The following CCDC171 variants were observed in gnomAD, a reference collection of about 807,000 sequenced individuals.
The protein encoded by CCDC171 is coiled-coil domain containing 171.
CCDC171 carries 177 observed loss-of-function variants against 168.2 expected under a neutral mutation model. The ratio of observed to expected loss-of-function variants is 1.05; its 90% CI spans 0.93 to 1.19. The LOEUF (loss-of-function observed/expected upper bound fraction) is 1.19, where lower values mean the gene tolerates loss of function less well. Among genes scored for constraint, CCDC171 ranks in the 50% most tolerant of loss-of-function variants. The probability of loss-of-function intolerance (pLI) is 0.00; values close to 1 mark genes in which losing one functional copy is unlikely to be tolerated. For missense variants in CCDC171, 1,991 were observed against 1,539.0 expected, an observed-to-expected ratio of 1.29 and a Z score of -4.91; for synonymous variants, 687 against 540.8, an observed-to-expected ratio of 1.27 and a Z score of -3.75.
At chr9:15,648,787 A>G (rs1451096336) in intron 7 of CCDC171, among the ~76,000 whole-genome samples, 1 of 152,242 alleles carries the variant, frequency 6.6e-6, no homozygotes, top group Non-Finnish European at 1.5e-5. Context: ...GCTCATGGAT[A>G]GGAAGAATAA....
At chr9:15,914,314 G>A (rs567794291) in intron 24 of CCDC171, among the ~76,000 whole-genome samples, 10 of 152,158 alleles carry the variant, frequency 6.6e-5, no homozygotes, top group African/African-American at 2.4e-4. Context: ...CCTCACTGGG[G>A]CTGCTGCCTT....
intron 3 of CCDC171, among the ~76,000 whole-genome samples, chr9:15,574,376 T>C (rs1440212657): frequency 1.3e-5 from 2 of 151,744 alleles, no homozygotes; most frequent in Non-Finnish European, 2.9e-5. Flanking sequence ...AACTCCTGAC[T>C]TTGTGATCCA....
chr9:15,824,409 G>T (rs925179890), intron 21 of CCDC171, among the ~76,000 whole-genome samples: 3 of 151,934 alleles, frequency 2.0e-5, no homozygotes, highest in African/African-American at 7.2e-5. Flanking sequence ...AATATATTCT[G>T]TGATGTGTTT....
chr9:15,909,544 A>G (rs1037491096), intron 24 of CCDC171, among the ~76,000 whole-genome samples: 7 of 152,232 alleles, frequency 4.6e-5, no homozygotes, highest in Admixed American at 1.3e-4. Context: ...ATTTGTGGGC[A>G]GGACCAGAAA....
Position 15,678,844 on chromosome 9 carries a change from G to T in CCDC171, c.1163G>T (p.Arg388Ile), listed in dbSNP as rs564678608. The T allele has an allele frequency of 5.0e-6, 8 of 1,597,954 alleles. No homozygotes were observed. The highest frequency in any genetic ancestry group is 6.8e-6 in the Non-Finnish European group (8 of 1,173,302). ...AAAGTAATTATAGACCTTTCAAAGA[G>T]ACTCCAGTATAATGAAAAAAGTTGC... ...QKKVIIDLSKRLQYNEKSCSE... is the reference protein window; with the variant it reads ...QKKVIIDLSKILQYNEKSCSE... Residue 388 changes from arginine to isoleucine, a missense_variant, in exon 10 of 26, where the codon AGA (arginine) becomes ATA (isoleucine). Physicochemically the swap from Arg to Ile is moderately conservative, Grantham distance 97 (BLOSUM62 -3). Coordinates refer to ENST00000380701, the MANE Select transcript of CCDC171 (RefSeq NM_173550.4).
intron 3 of CCDC171, among the ~76,000 whole-genome samples, chr9:16,007,795 CT>C (rs1418040990): frequency 6.6e-6 from 1 of 152,146 alleles, no homozygotes. Flanking sequence ...GTCTATGTCT[CT>C]GTTTTGGTAA....
chr9:15,580,852 T>C (rs946527057), intron 4 of CCDC171, among the ~76,000 whole-genome samples: 2 of 152,110 alleles, frequency 1.3e-5, no homozygotes, highest in Admixed American at 6.6e-5. Flanking sequence ...CTGGAAGCAT[T>C]CCCTTTGAAA....
intron 16 of CCDC171, among the ~76,000 whole-genome samples, chr9:15,739,938 T>C (rs1287436567): frequency 3.3e-5 from 5 of 151,966 alleles, no homozygotes; most frequent in African/African-American, 7.2e-5. Context: ...GGGGTTTCAC[T>C]GTGTTAGCCA....
chr9:15,708,027 T>C (rs1279923308), intron 11 of CCDC171, among the ~76,000 whole-genome samples: 6 of 152,116 alleles, frequency 3.9e-5, no homozygotes, highest in African/African-American at 1.4e-4. Context: ...TTTGTACTTT[T>C]AGTAGAGATG....
intron 24 of CCDC171, among the ~76,000 whole-genome samples, chr9:15,913,816 T>C (rs549502915): frequency 6.6e-6 from 1 of 152,312 alleles, no homozygotes; most frequent in South Asian, 2.1e-4. Flanking sequence ...GACCTTCGGA[T>C]GGAGTTTTTG....
At chr9:15,565,427 T>C (rs2039653836) in intron 2 of CCDC171, among the ~76,000 whole-genome samples, 1 of 152,126 alleles carries the variant, frequency 6.6e-6, no homozygotes, top group Non-Finnish European at 1.5e-5. Context: ...CAGGCAATCC[T>C]CCTGCATCAG....
intron 24 of CCDC171, among the ~76,000 whole-genome samples, chr9:15,916,715 T>C (rs576718051): frequency 1.2e-3 from 185 of 152,200 alleles, no homozygotes; most frequent in African/African-American, 4.1e-3. Context: ...TAACTTTTTA[T>C]ATTCTAATGC....
intron 6 of CCDC171, among the ~76,000 whole-genome samples, chr9:15,602,641 TTTTTTC>T (rs1306321153): frequency 6.7e-4 from 23 of 34,510 alleles, no homozygotes; most frequent in African/African-American, 2.6e-3. Context: ...TCTTTTTTTT[TTTTTTC>T]TTTTTTTTTT....
At chr9:15,928,425 T>C (rs1346512343) in intron 25 of CCDC171, among the ~76,000 whole-genome samples, 1 of 151,702 alleles carries the variant, frequency 6.6e-6, no homozygotes, top group East Asian at 1.9e-4. Flanking sequence ...AGATGGAGAA[T>C]TGTGAGAGAT....
chr9:15,729,870 A>G, intron 16 of CCDC171, 72 bp downstream of exon 16: 2 of 1,146,508 alleles, frequency 1.7e-6, no homozygotes, highest in Non-Finnish European at 2.5e-6. Flanking sequence ...TTTTTTTTTC[A>G]GTAGCAGTGC....
chr9:16,015,529 A>G (rs560237697), intron 3 of CCDC171, among the ~76,000 whole-genome samples: 1 of 152,266 alleles, frequency 6.6e-6, no homozygotes, highest in South Asian at 2.1e-4. Flanking sequence ...TTTTCTGACT[A>G]CAGCCTATAA....
intron 23 of CCDC171, among the ~76,000 whole-genome samples, chr9:15,855,452 T>C (rs898344286): frequency 9.9e-5 from 15 of 152,012 alleles, no homozygotes; most frequent in African/African-American, 3.6e-4. Context: ...AAGATGAGTC[T>C]GTTATAGACA....
At chr9:15,877,556 C>A (rs1471452072) in intron 24 of CCDC171, among the ~76,000 whole-genome samples, 1 of 152,038 alleles carries the variant, frequency 6.6e-6, no homozygotes, top group Non-Finnish European at 1.5e-5. Flanking sequence ...ATAGGATGTT[C>A]CAATGAGGCC....
intron 7 of CCDC171, among the ~76,000 whole-genome samples, chr9:15,644,141 T>TACC (rs1388482278): frequency 6.6e-6 from 1 of 152,232 alleles, no homozygotes; most frequent in African/African-American, 2.4e-5. Flanking sequence ...TTTGAGCAGC[T>TACC]ACCAAGCTGT....
Sources: gnomAD v4.1 joint callset for allele counts (sites outside exome capture counted in the v4.1 genomes callset) on GRCh38, gnomAD v4.1.1 for gene constraint, MANE v1.5 for transcripts, NCBI Gene and HGNC (gene_info 2026-07-23, HGNC 2026-07-21) for gene names.